CORO1C: variants seen among roughly 807,000 people sequenced by gnomAD.
CORO1C encodes the protein coronin-1C.
In CORO1C, 14 loss-of-function variants were observed where a neutral mutation model predicts 51.2. The observed-to-expected ratio is 0.27, with a 90% CI of 0.18 to 0.43. The LOEUF (loss-of-function observed/expected upper bound fraction) is 0.43, where lower values mean the gene tolerates loss of function less well. Ranked by LOEUF, CORO1C falls within the 20% of genes least tolerant of loss-of-function variation. CORO1C has a pLI of 1.00. For synonymous variants in CORO1C, 181 were observed against 210.5 expected, an observed-to-expected ratio of 0.86 and a Z score of 1.21; for missense variants, 417 against 607.8, an observed-to-expected ratio of 0.69 and a Z score of 3.30.
intron 1 of CORO1C, among the ~76,000 whole-genome samples, chr12:108,704,428 C>T (rs1036582458): frequency 2.6e-5 from 4 of 151,116 alleles, no homozygotes; most frequent in Non-Finnish European, 2.9e-5. Context: ...GCCAAGATCG[C>T]ACCACTGCAC....
At chr12:108,675,678 T>C (rs2033880929) in intron 3 of CORO1C, among the ~76,000 whole-genome samples, 1 of 152,158 alleles carries the variant, frequency 6.6e-6, no homozygotes, top group Non-Finnish European at 1.5e-5. Flanking sequence ...CAGCTAAAAA[T>C]TGAAAACAAA....
intron 8 of CORO1C, among the ~76,000 whole-genome samples, chr12:108,650,045 G>A (rs767357820): frequency 1.3e-5 from 2 of 152,082 alleles, no homozygotes; most frequent in Non-Finnish European, 2.9e-5. Context: ...ACGCATCAGG[G>A]GAACAAAAGC....
At chr12:108,710,688 C>T (rs1431372212) in intron 1 of CORO1C, among the ~76,000 whole-genome samples, 2 of 151,898 alleles carry the variant, frequency 1.3e-5, no homozygotes, top group Admixed American at 6.6e-5. Context: ...CTCAGCCTCC[C>T]GAGTAGCTGG....
chr12:108,673,393 G>T (rs1183094709), intron 3 of CORO1C, among the ~76,000 whole-genome samples: 1 of 152,214 alleles, frequency 6.6e-6, no homozygotes, highest in East Asian at 1.9e-4. Context: ...TTGGAAACTA[G>T]CAGAGGTTAG....
In CORO1C at chr12:108,658,847, G is replaced by A. The variant is rs2033136418; in HGVS notation, c.521C>T (p.Ser174Leu). 10 of 1,613,876 alleles carry A rather than the reference G, an allele frequency of 6.2e-6. No individual in the cohort carries two copies. Among genetic ancestry groups the A allele is most frequent in the Non-Finnish European group, 8.5e-6 (10 of 1,179,762 alleles). Residue 174 changes from serine to leucine, a missense_variant, in exon 5 of 11, where the codon TCA (serine) becomes TTA (leucine). By Grantham distance (145) the Ser-to-Leu change is moderately radical. Transcript: ENST00000261401. The surrounding 1 kb of genome is among the most constrained non-coding windows in gnomAD (Gnocchi z 4.9). ...CCAGCTCACATTGTAAATCATGTCTGAATGCATATCGTCCAAGTTTATAAG... is the reference window on the plus strand; with the variant it reads ...CCAGCTCACATTGTAAATCATGTCTAAATGCATATCGTCCAAGTTTATAAG... ...EALINLDDMH[S>L]DMIYNVSWNR...
At chr12:108,730,896 G>T (rs971283967) in intron 1 of CORO1C, 3 of 151,582 alleles carry the variant, frequency 2.0e-5, no homozygotes, top group Admixed American at 1.3e-4. Context: ...CCCTCCCGAC[G>T]CAGGGCCCAG....
At chr12:108,680,198 GCCA>G (rs2061949364) in intron 2 of CORO1C, among the ~76,000 whole-genome samples, 1 of 152,174 alleles carries the variant, frequency 6.6e-6, no homozygotes, top group Non-Finnish European at 1.5e-5. Context: ...CAATTATGGT[GCCA>G]CATAGGAACA....
At chr12:108,715,380 T>C (rs2035299559) in intron 1 of CORO1C, among the ~76,000 whole-genome samples, 1 of 152,190 alleles carries the variant, frequency 6.6e-6, no homozygotes, top group Non-Finnish European at 1.5e-5. Flanking sequence ...ATTTTGCAGT[T>C]ACTAAAATGT....
intron 3 of CORO1C, among the ~76,000 whole-genome samples, chr12:108,670,103 G>C (rs912392458): frequency 5.9e-5 from 9 of 152,176 alleles, no homozygotes; most frequent in Admixed American, 2.0e-4. Flanking sequence ...TAAAAAGACA[G>C]AGCTAGCAGA....
At chr12:108,679,151 AAAAAG>A (rs1283766470) in intron 2 of CORO1C, among the ~76,000 whole-genome samples, 1 of 147,874 alleles carries the variant, frequency 6.8e-6, no homozygotes, top group African/African-American at 2.4e-5. Flanking sequence ...AAAGAAAAAA[AAAAAG>A]AAATTTAAAA....
chr12:108,668,264 C>T (rs928290451), intron 3 of CORO1C, among the ~76,000 whole-genome samples: 3 of 152,168 alleles, frequency 2.0e-5, no homozygotes, highest in Non-Finnish European at 2.9e-5. Flanking sequence ...AGAGTGGCAC[C>T]GAGTTCGGGA....
chr12:108,720,960 C>T (rs996360739), intron 1 of CORO1C, among the ~76,000 whole-genome samples: 2 of 152,122 alleles, frequency 1.3e-5, no homozygotes, highest in East Asian at 1.9e-4. Flanking sequence ...ATTTATTGAA[C>T]AGCTACTATG....
At chr12:108,682,441 G>A (rs146330498) in intron 2 of CORO1C, among the ~76,000 whole-genome samples, 2 of 152,256 alleles carry the variant, frequency 1.3e-5, no homozygotes, top group African/African-American at 2.4e-5. Flanking sequence ...CACTATTAGC[G>A]ATTAATGTCA....
chr12:108,651,085 G>A (rs920620788), intron 8 of CORO1C, among the ~76,000 whole-genome samples: 2 of 152,164 alleles, frequency 1.3e-5, no homozygotes. Flanking sequence ...CCAATTAGCT[G>A]GGATTACAGG....
intron 1 of CORO1C, among the ~76,000 whole-genome samples, chr12:108,712,136 G>A (rs1592941201): frequency 6.6e-6 from 1 of 152,176 alleles, no homozygotes. Flanking sequence ...CCAAGCCACT[G>A]TTACCTGTAT....
chr12:108,670,806 C>T (rs530272069), intron 3 of CORO1C, among the ~76,000 whole-genome samples: 6 of 151,748 alleles, frequency 4.0e-5, no homozygotes, highest in African/African-American at 1.2e-4. Context: ...GAGATAAAAA[C>T]TACATTATAG....
At chr12:108,662,255 A>C in intron 3 of CORO1C, 97 bp from the exon 4 acceptor site, 1 of 1,028,914 alleles carries the variant, frequency 9.7e-7, no homozygotes, top group African/African-American at 1.6e-5. Flanking sequence ...GCTCTATGTA[A>C]ACAGAACATA....
Position 108,652,300 on chromosome 12 carries a change from GT to G in CORO1C, c.972del (p.Asp326MetfsTer23). ...QRGMGYMPKRGLDVNKCEIAR... is the reference protein window; with the variant it reads ...QRGMGYMPKRXLDVNKCEIAR... Reference sequence around the variant, plus strand: ...GCAATCTCACATTTGTTAACATCAAGTCCCCTCTTGGGCATGTAACCCATCC... The same window carrying G: ...GCAATCTCACATTTGTTAACATCAAGCCCCTCTTGGGCATGTAACCCATCC... On this transcript the variant is annotated frameshift_variant, in exon 8 of 11. Transcript: ENST00000261401. LOFTEE classifies it high-confidence loss of function. The G allele has an allele frequency of 6.2e-7, 1 of 1,613,912 alleles. No homozygotes were observed. Among genetic ancestry groups the G allele is most frequent in the Non-Finnish European group, 8.5e-7 (1 of 1,179,926 alleles).
chr12:108,715,949 G>A (rs2035321454), intron 1 of CORO1C, among the ~76,000 whole-genome samples: 3 of 151,404 alleles, frequency 2.0e-5, no homozygotes. Flanking sequence ...TGGCTAACAC[G>A]GTGAAACCCC....
Sources: gnomAD v4.1 joint callset for allele counts (sites outside exome capture counted in the v4.1 genomes callset) on GRCh38, gnomAD v4.1.1 for gene constraint, Gnocchi (gnomAD v3.1) non-coding constraint, MANE v1.5 for transcripts, NCBI Gene and HGNC (gene_info 2026-07-23, HGNC 2026-07-21) for gene names.